ESYT2: variants seen among roughly 807,000 people sequenced by gnomAD.
The protein encoded by ESYT2 is extended synaptotagmin 2, also known as extended synaptotagmin-2.
Under a neutral mutation model 107.2 loss-of-function variants are expected in ESYT2, and 54 were observed. The ratio of observed to expected loss-of-function variants is 0.50; its 90% confidence interval spans 0.40 to 0.63. ESYT2 has a LOEUF of 0.63. Ranked by LOEUF, ESYT2 falls within the 30% of genes least tolerant of loss-of-function variation. The probability of loss-of-function intolerance (pLI) is 0.00; values close to 1 mark genes in which losing one functional copy is unlikely to be tolerated. For missense variants in ESYT2, 1,020 were observed against 1,094.5 expected, an observed-to-expected ratio of 0.93 and a Z score of 0.96; for synonymous variants, 491 against 434.1, an observed-to-expected ratio of 1.13 and a Z score of -1.63.
chr7:158,807,310 A>G (rs1839860053), intron 1 of ESYT2, among the ~76,000 whole-genome samples: 1 of 151,504 alleles, frequency 6.6e-6, no homozygotes, highest in African/African-American at 2.4e-5. Context: ...AAATCTATCT[A>G]CATGGATTCA....
intron 5 of ESYT2, 71 bp from the exon 6 acceptor site, chr7:158,788,164 G>T: frequency 1.5e-6 from 2 of 1,352,716 alleles, no homozygotes; most frequent in Non-Finnish European, 2.1e-6. Context: ...CAAGGAGTTT[G>T]CATGCGAATC....
chr7:158,752,116 T>G (rs1169421504), intron 14 of ESYT2, among the ~76,000 whole-genome samples: 1 of 152,212 alleles, frequency 6.6e-6, no homozygotes, highest in Non-Finnish European at 1.5e-5. Context: ...TAATTTCATT[T>G]AAAATTCCCC....
Position 158,743,615 on chromosome 7 carries a change from T to G in ESYT2, c.1708A>C (p.Thr570Pro). 1 of 1,613,754 alleles carries G rather than the reference T, an allele frequency of 6.2e-7. No individual in the cohort carries two copies. The highest frequency in any genetic ancestry group is 8.5e-7 in the Non-Finnish European group (1 of 1,179,900). Residue 570 changes from threonine to proline, a missense_variant, in exon 17 of 23, where the codon ACC becomes CCC. Physicochemically the swap from Thr to Pro is conservative, Grantham distance 38 (BLOSUM62 -1). Coordinates refer to ENST00000275418, the MANE Select transcript of ESYT2 (RefSeq NM_001367773.1). ...TGGCTCACAGTCATGTCCTCACTGG[T>G]GAGCAGCTGGCTGAGGGGGACCTTC... ...NLKVPLSQLLTSEDMTVSQRF... is the reference protein window; with the variant it reads ...NLKVPLSQLLPSEDMTVSQRF...
chr7:158,772,903 A>AAG (rs2129472551), intron 7 of ESYT2, among the ~76,000 whole-genome samples: 1 of 151,850 alleles, frequency 6.6e-6, no homozygotes, highest in Non-Finnish European at 1.5e-5. Flanking sequence ...TTAAAAAAAA[A>AAG]AAAAAGGCAG....
chr7:158,777,443 T>C (rs935803000), intron 6 of ESYT2, among the ~76,000 whole-genome samples: 1 of 152,186 alleles, frequency 6.6e-6, no homozygotes, highest in African/African-American at 2.4e-5. Flanking sequence ...TAGGAGGTGA[T>C]TGGCGTGGGC....
Position 158,762,949 on chromosome 7 carries a change from C to G in ESYT2, c.1184+134G>C, listed in dbSNP as rs10281026. On this transcript the variant is annotated intron_variant, in intron 10 of 22. Coordinates refer to ENST00000275418, the MANE Select transcript of ESYT2 (RefSeq NM_001367773.1). ...ATGTTTTAAGAAATCCAAGGTGAAA[C>G]AATTGTTATATCTAAGAACCATTTA... The G allele has an allele frequency of 6.6e-3, 3,603 of 545,402 alleles. 102 individuals carry two copies. The highest frequency in any genetic ancestry group is 0.059 in the African/African-American group (3,124 of 52,704). 33.8% of individuals were successfully genotyped at this position (545,402 alleles called of 1,614,324 possible).
At chr7:158,818,822 A>ACCAGAG (rs1287448043) in intron 1 of ESYT2, among the ~76,000 whole-genome samples, 2 of 152,200 alleles carry the variant, frequency 1.3e-5, no homozygotes, top group African/African-American at 4.8e-5. Context: ...ACCCACACCC[A>ACCAGAG]CCAGAGCCAG....
Position 158,741,511 on chromosome 7 carries a change from G to A in ESYT2, c.2168+12C>T, listed in dbSNP as rs1837204818. On this transcript the variant is annotated intron_variant, in intron 18 of 22. Transcript: ENST00000275418. ...TCTGCTGGTGAGAAACAACATGGTGGCACTTAGTTACTTTTCCAGCTGCCT... is the reference window on the plus strand; with the variant it reads ...TCTGCTGGTGAGAAACAACATGGTGACACTTAGTTACTTTTCCAGCTGCCT... The A allele has an allele frequency of 2.6e-6, 4 of 1,555,684 alleles. No homozygotes were observed. Among genetic ancestry groups the A allele is most frequent in the Non-Finnish European group, 3.5e-6 (4 of 1,158,614 alleles).
rs145312263 is a variant in ESYT2, at chr7:158,769,058, T to C, written c.804-1284A>G. On this transcript the variant is annotated intron_variant, in intron 7 of 22. Coordinates refer to ENST00000275418, the MANE Select transcript of ESYT2 (RefSeq NM_001367773.1). ...CCCGTAATGTTTTAGATGCTAAAATTATTAACATACATAATTACAAATAAA... is the reference window on the plus strand; with the variant it reads ...CCCGTAATGTTTTAGATGCTAAAATCATTAACATACATAATTACAAATAAA... Among the ~76,000 whole-genome samples the C allele has an allele frequency of 9.2e-3, 1,397 of 151,666 alleles. 7 individuals are homozygous for C. The highest frequency in any genetic ancestry group is 0.015 in the Non-Finnish European group (1,002 of 67,974).
At chr7:158,823,151 T>G (rs1466665212) in intron 1 of ESYT2, among the ~76,000 whole-genome samples, 1 of 151,084 alleles carries the variant, frequency 6.6e-6, no homozygotes, top group Non-Finnish European at 1.5e-5. Context: ...AGAAATTAGC[T>G]GGATGTGGCG....
intron 1 of ESYT2, among the ~76,000 whole-genome samples, chr7:158,828,443 T>A (rs2129474536): frequency 6.6e-6 from 1 of 152,058 alleles, no homozygotes; most frequent in Non-Finnish European, 1.5e-5. Context: ...AAGCGCGCGC[T>A]CCGGGCAGGG....
intron 17 of ESYT2, among the ~76,000 whole-genome samples, chr7:158,743,322 T>C (rs1226989796): frequency 4.6e-5 from 7 of 152,226 alleles, no homozygotes; most frequent in South Asian, 4.1e-4. Flanking sequence ...GCCTGTTCTA[T>C]GGCTGAGTCC....
chr7:158,801,423 A>T (rs554810694), intron 1 of ESYT2, among the ~76,000 whole-genome samples: 3 of 152,380 alleles, frequency 2.0e-5, no homozygotes, highest in Non-Finnish European at 4.4e-5. Flanking sequence ...ATTTGAACAA[A>T]GCAAATCTGT....
chr7:158,742,262 T>C (rs142369139), intron 17 of ESYT2, among the ~76,000 whole-genome samples: 573 of 152,202 alleles, frequency 3.8e-3, no homozygotes, highest in Middle Eastern at 6.8e-3. Context: ...AACAGGGCGG[T>C]GGCAGTGATA....
chr7:158,749,263 CACCCGGCACCAT>C (rs1434772089), intron 15 of ESYT2, among the ~76,000 whole-genome samples: 16 of 151,500 alleles, frequency 1.1e-4, no homozygotes, highest in Non-Finnish European at 5.9e-5. Flanking sequence ...CCCGGCACCG[CACCCGGCACCAT>C]GCCCGACTAA....
At chr7:158,828,460 C>T (rs1840519687) in intron 1 of ESYT2, among the ~76,000 whole-genome samples, 1 of 152,202 alleles carries the variant, frequency 6.6e-6, no homozygotes. Flanking sequence ...AGGGCCGCGG[C>T]CGAAGAGGGG....
chr7:158,785,426 A>AAAATAAATAAATAAAT (rs55862703), intron 6 of ESYT2, among the ~76,000 whole-genome samples: 1 of 143,956 alleles, frequency 6.9e-6, no homozygotes, highest in East Asian at 2.1e-4. Context: ...ACTCCGTCTC[A>AAAATAAATAAATAAAT]AAATAAATAA....
chr7:158,771,625 G>C (rs1838375091), intron 7 of ESYT2, among the ~76,000 whole-genome samples: 1 of 152,198 alleles, frequency 6.6e-6, no homozygotes, highest in Admixed American at 6.5e-5. Flanking sequence ...CGCCCACCCT[G>C]CATGGGTGGG....
chr7:158,750,957 C>T (rs4146416), intron 14 of ESYT2, among the ~76,000 whole-genome samples: 16,461 of 152,266 alleles, frequency 0.11, 1,353 homozygotes, highest in East Asian at 0.44. Flanking sequence ...ACTTCTAAGT[C>T]AGTTCTATTA....
Sources: gnomAD v4.1 joint callset for allele counts (sites outside exome capture counted in the v4.1 genomes callset) on GRCh38, gnomAD v4.1.1 for gene constraint, MANE v1.5 for transcripts, NCBI Gene and HGNC (gene_info 2026-07-23, HGNC 2026-07-21) for gene names.